Variants in PCDH15 observed in about 807,000 individuals in gnomAD.
The protein encoded by PCDH15 is protocadherin-15.
In PCDH15, 129 loss-of-function variants were observed where a neutral mutation model predicts 178.5. That is an observed-to-expected ratio of 0.72 (90% CI 0.63 to 0.84). PCDH15 has a LOEUF of 0.84. PCDH15 is among the 40% of genes least tolerant of loss of function. PCDH15 has a pLI of 0.00. For missense variants in PCDH15, 2,230 were observed against 2,099.9 expected (o/e 1.06, Z -1.21); for synonymous variants, 800 against 732.0 (o/e 1.09, Z -1.50).
intron 2 of PCDH15, among the ~76,000 whole-genome samples, chr10:55,611,576 T>C (rs1262563506): frequency 6.6e-6 from 1 of 151,982 alleles, no homozygotes; most frequent in East Asian, 1.9e-4. Context: ...AGTGCAGCCA[T>C]TATGGAAAAC....
intron 2 of PCDH15, among the ~76,000 whole-genome samples, chr10:55,102,032 A>T (rs2132046850): frequency 6.6e-6 from 1 of 152,020 alleles, no homozygotes; most frequent in East Asian, 1.9e-4. Flanking sequence ...TTTATTTTCA[A>T]CTTCCTTATA....
intron 2 of PCDH15, among the ~76,000 whole-genome samples, chr10:55,489,519 C>T (rs1840368476): frequency 6.6e-6 from 1 of 151,642 alleles, no homozygotes; most frequent in Non-Finnish European, 1.5e-5. Context: ...TCACTTCCCA[C>T]TGTTACCCCA....
chr10:55,180,555 T>A lies in PCDH15; in HGVS notation c.-155-13904A>T, dbSNP rs564552213. Among the ~76,000 whole-genome samples, 7 of 152,256 alleles carry A rather than the reference T, an allele frequency of 4.6e-5. 1 individual carries two copies. In the South Asian group the frequency reaches 1.4e-3, roughly 32 times the overall value. Reference sequence around the variant, plus strand: ...GAAATGCCTGCTATGAATCAGGCATTGTCCTGAGTTATGCACCACAGAAAG... The same window carrying A: ...GAAATGCCTGCTATGAATCAGGCATAGTCCTGAGTTATGCACCACAGAAAG... On this transcript the variant is annotated intron_variant, in intron 1 of 5. Coordinates refer to the PCDH15 transcript ENST00000458638.
intron 2 of PCDH15, among the ~76,000 whole-genome samples, chr10:54,552,297 A>G (rs1012573067): frequency 6.6e-6 from 1 of 152,166 alleles, no homozygotes; most frequent in Non-Finnish European, 1.5e-5. Context: ...AAAAGTAGAA[A>G]ATTTTATTCA....
chr10:55,425,619 C>A (rs1459586428), intron 2 of PCDH15, among the ~76,000 whole-genome samples: 2 of 151,618 alleles, frequency 1.3e-5, no homozygotes, highest in Non-Finnish European at 2.9e-5. Flanking sequence ...TAAAAAAAAT[C>A]TTGTGGGTCT....
At chr10:54,047,375 TG>T (rs1381927559) in intron 18 of PCDH15, among the ~76,000 whole-genome samples, 5 of 142,592 alleles carry the variant, frequency 3.5e-5, no homozygotes, top group Non-Finnish European at 7.6e-5. Flanking sequence ...TGGTGGGGGG[TG>T]GGGGTGATAA....
At chr10:55,179,059 T>G (rs1034951841) in intron 1 of PCDH15, among the ~76,000 whole-genome samples, 1 of 152,170 alleles carries the variant, frequency 6.6e-6, no homozygotes, top group Non-Finnish European at 1.5e-5. Context: ...TCATATATGG[T>G]TCATGCATAC....
chr10:54,658,648 AC>A (rs1364899056), intron 2 of PCDH15, among the ~76,000 whole-genome samples: 1 of 152,194 alleles, frequency 6.6e-6, no homozygotes, highest in Non-Finnish European at 1.5e-5. Flanking sequence ...GGACTTCTAA[AC>A]ATGCAAATGA....
chr10:53,845,809 C>A (rs1469893332), intron 28 of PCDH15, among the ~76,000 whole-genome samples: 2 of 151,318 alleles, frequency 1.3e-5, no homozygotes, highest in East Asian at 1.9e-4. Context: ...TTCAACAGTA[C>A]GGTAGGGAAT....
At chr10:53,836,861 C>T (rs994797682) in intron 29 of PCDH15, among the ~76,000 whole-genome samples, 1 of 152,156 alleles carries the variant, frequency 6.6e-6, no homozygotes, top group African/African-American at 2.4e-5. Flanking sequence ...CTGATTAATA[C>T]ATTGCAAAAT....
intron 2 of PCDH15, among the ~76,000 whole-genome samples, chr10:55,401,091 C>T (rs1044158515): frequency 6.6e-6 from 1 of 152,078 alleles, no homozygotes; most frequent in Non-Finnish European, 1.5e-5. Context: ...CCTGGGAACA[C>T]AACCATCATT....
intron 3 of PCDH15, among the ~76,000 whole-genome samples, chr10:54,860,699 G>A (rs1953823529): frequency 6.6e-6 from 1 of 152,106 alleles, no homozygotes; most frequent in Admixed American, 6.6e-5. Context: ...TGGTAGTTCT[G>A]TTTTAGGTTC....
At chr10:54,382,063 G>T (rs748595957) in intron 3 of PCDH15, among the ~76,000 whole-genome samples, 18 of 151,940 alleles carry the variant, frequency 1.2e-4, no homozygotes, top group Non-Finnish European at 1.9e-4. Context: ...AATCACAATC[G>T]TGTTAAAAAT....
intron 1 of PCDH15, among the ~76,000 whole-genome samples, chr10:55,315,663 T>C: frequency 6.6e-6 from 1 of 152,186 alleles, no homozygotes; most frequent in East Asian, 1.9e-4. Context: ...GGGAAAAATG[T>C]CCATATTTAT....
chr10:55,069,247 T>A (rs919138503), intron 2 of PCDH15, among the ~76,000 whole-genome samples: 1 of 67,896 alleles, frequency 1.5e-5, no homozygotes. Context: ...GCTGGTATTT[T>A]GTTTTTTTTT....
At chr10:55,463,899 GAGAAAGAA>G (rs71014491) in intron 2 of PCDH15, among the ~76,000 whole-genome samples, 1,655 of 47,104 alleles carry the variant, frequency 0.035, 156 homozygotes, top group Non-Finnish European at 0.048. Context: ...GGGAGAGAGA[GAGAAAGAA>G]AGAAAGAAAG....
chr10:54,537,501 G>A (rs1477559790), intron 2 of PCDH15, among the ~76,000 whole-genome samples: 1 of 152,080 alleles, frequency 6.6e-6, no homozygotes, highest in Non-Finnish European at 1.5e-5. Context: ...TATTCCTGAT[G>A]AACATAGATG....
In PCDH15 at chr10:54,500,906, C is replaced by A. The variant is rs138398629; in HGVS notation, c.157+26906G>T. On this transcript the variant is annotated intron_variant, in intron 3 of 37. Coordinates refer to ENST00000644397, the MANE Select transcript of PCDH15 (RefSeq NM_001384140.1). ...ATATACACCATGGAATACTATGCGG[C>A]CATAAAAAAGAATGAGTTCATGTCC... 1.0e-3 allele frequency among the ~76,000 whole-genome samples: 154 copies of A among 152,036 alleles called. 2 individuals carry two copies. In the East Asian group the frequency reaches 0.028, roughly 28 times the overall value.
intron 21 of PCDH15, among the ~76,000 whole-genome samples, chr10:53,993,261 G>A (rs927768726): frequency 4.6e-5 from 7 of 152,090 alleles, no homozygotes; most frequent in African/African-American, 1.7e-4. Flanking sequence ...TGGAAGTCTG[G>A]CACATTTTGT....
Sources: allele counts gnomAD v4.1 joint callset (sites outside exome capture counted in the v4.1 genomes callset), GRCh38; gene constraint gnomAD v4.1.1; transcripts MANE v1.5; gene names NCBI Gene and HGNC (gene_info 2026-07-23, HGNC 2026-07-21).